The following THADA variants were observed in gnomAD, a reference collection of about 807,000 sequenced individuals.
The protein encoded by THADA is THADA armadillo repeat containing, also known as tRNA (32-2'-O)-methyltransferase regulator THADA.
In THADA, 213 loss-of-function variants were observed where a neutral mutation model predicts 219.8. The observed-to-expected ratio is 0.97, with a 90% CI of 0.87 to 1.09. The LOEUF (loss-of-function observed/expected upper bound fraction) is 1.09, where lower values mean the gene tolerates loss of function less well. Ranked by LOEUF, THADA falls within the 50% of genes least tolerant of loss-of-function variation. The pLI is 0.00. For missense variants in THADA, 2,956 were observed against 2,311.3 expected (o/e 1.28, Z -5.72); for synonymous variants, 1,018 against 828.9 (o/e 1.23, Z -3.92).
At chr2:43,231,496 C>T (rs1005580982) in intron 37 of THADA, among the ~76,000 whole-genome samples, 153 bp from the exon 38 acceptor site, 3 of 152,224 alleles carry the variant, frequency 2.0e-5, no homozygotes, top group African/African-American at 7.2e-5. Flanking sequence ...CATGTACACA[C>T]ACCACTTGCA....
intron 28 of THADA, among the ~76,000 whole-genome samples, chr2:43,427,360 G>C (rs922477759): frequency 2.0e-5 from 3 of 152,032 alleles, no homozygotes; most frequent in Non-Finnish European, 4.4e-5. Context: ...ACCTGCCTTG[G>C]AGCAGACAGG....
At chr2:43,253,232 G>A (rs1669983178) in intron 36 of THADA, among the ~76,000 whole-genome samples, 1 of 152,208 alleles carries the variant, frequency 6.6e-6, no homozygotes. Context: ...CGCCTGGGAG[G>A]AAAGGGAATC....
intron 25 of THADA, among the ~76,000 whole-genome samples, chr2:43,494,903 C>T (rs1185097432): frequency 6.6e-6 from 1 of 152,162 alleles, no homozygotes; most frequent in Non-Finnish European, 1.5e-5. Context: ...TAAATATATA[C>T]ATGAATGCTT....
chr2:43,275,561 CATCCTT>C (rs1178782200), intron 36 of THADA, among the ~76,000 whole-genome samples: 1 of 152,164 alleles, frequency 6.6e-6, no homozygotes, highest in African/African-American at 2.4e-5. Context: ...CTGATCTAGC[CATCCTT>C]AAGCCCATCC....
intron 29 of THADA, among the ~76,000 whole-genome samples, chr2:43,393,479 G>A (rs1397939456): frequency 6.6e-6 from 1 of 151,336 alleles, no homozygotes; most frequent in East Asian, 1.9e-4. Flanking sequence ...GGCCGAGGTT[G>A]GGGGGATCAC....
rs376131661 is a variant in THADA, at chr2:43,485,321, C to A, written c.3749G>T (p.Arg1250Leu). ...ACTAAAGAGAAGTGTGGATGAATTT[C>A]GCACCTAATGTACAAACGAAAACAC... Reference protein sequence around the residue: ...LGFTSPVWAVRNSSTLLFSAL... With the variant: ...LGFTSPVWAVLNSSTLLFSAL... Residue 1250 changes from arginine (R) to leucine (L), a missense_variant, in exon 26 of 38, where the codon CGA becomes CTA. By Grantham distance (102) the Arg-to-Leu change is moderately radical (BLOSUM62 -2). Transcript: ENST00000405975. The A allele has an allele frequency of 1.2e-5, 20 of 1,611,760 alleles. No homozygotes were observed. In the South Asian group the frequency reaches 2.2e-4, roughly 18 times the overall value.
At chr2:43,411,297 T>C (rs1001999636) in intron 28 of THADA, among the ~76,000 whole-genome samples, 2 of 152,178 alleles carry the variant, frequency 1.3e-5, no homozygotes, top group East Asian at 1.9e-4. Context: ...ATCTCTGATA[T>C]TTTTACCACC....
chr2:43,537,493 T>C (rs1311975835), intron 21 of THADA, among the ~76,000 whole-genome samples: 1 of 152,216 alleles, frequency 6.6e-6, no homozygotes, highest in African/African-American at 2.4e-5. Context: ...TTATTTGTAA[T>C]TTCTAAAAAA....
chr2:43,287,538 C>G (rs1406799766), intron 34 of THADA, among the ~76,000 whole-genome samples: 2 of 152,190 alleles, frequency 1.3e-5, no homozygotes, highest in Non-Finnish European at 2.9e-5. Context: ...CTCAAGTGAT[C>G]AACTTGCCTC....
chr2:43,477,099 C>G (rs1327408091), intron 26 of THADA, among the ~76,000 whole-genome samples: 2 of 152,168 alleles, frequency 1.3e-5, no homozygotes, highest in Non-Finnish European at 2.9e-5. Context: ...CAAGATATAT[C>G]TCAAATATAT....
intron 14 of THADA, among the ~76,000 whole-genome samples, chr2:43,569,934 G>C (rs1479428845): frequency 6.6e-6 from 1 of 152,040 alleles, no homozygotes; most frequent in Non-Finnish European, 1.5e-5. Flanking sequence ...TACTCTTCAA[G>C]CTCACTCCAA....
intron 26 of THADA, among the ~76,000 whole-genome samples, chr2:43,441,064 T>C (rs1680785855): frequency 6.6e-6 from 1 of 152,236 alleles, no homozygotes; most frequent in African/African-American, 2.4e-5. Flanking sequence ...AAGTAGGTTT[T>C]TGACTACATC....
chr2:43,526,918 G>GA (rs11323109), intron 22 of THADA, among the ~76,000 whole-genome samples: 2 of 151,378 alleles, frequency 1.3e-5, no homozygotes, highest in South Asian at 2.1e-4. Context: ...TGTTTTGAGG[G>GA]AAAAAAAAGT....
At chr2:43,431,220 A>T (rs1050503968) in intron 26 of THADA, among the ~76,000 whole-genome samples, 6 of 152,158 alleles carry the variant, frequency 3.9e-5, no homozygotes, top group South Asian at 4.1e-4. Context: ...ATCACATTTT[A>T]AAAAAACTGA....
At chr2:43,405,015 A>G (rs184444717) in intron 28 of THADA, among the ~76,000 whole-genome samples, 2 of 152,348 alleles carry the variant, frequency 1.3e-5, no homozygotes, top group Admixed American at 6.5e-5. Context: ...CAACTGGCTG[A>G]GGAAACAGAG....
At chr2:43,514,693 A>T (rs1157750154) in intron 22 of THADA, among the ~76,000 whole-genome samples, 110 of 70,320 alleles carry the variant, frequency 1.6e-3, no homozygotes, top group Middle Eastern at 8.8e-3. Flanking sequence ...ATTATATATA[A>T]TATATATAAT....
At chr2:43,508,821 A>T in intron 22 of THADA, 41 bp from the exon 23 acceptor site, 1 of 1,596,696 alleles carries the variant, frequency 6.3e-7, no homozygotes, top group Non-Finnish European at 8.6e-7. Flanking sequence ...ATTAGGTATC[A>T]AAGTTAAAAG....
At chr2:43,461,402 T>C (rs1470747046) in intron 26 of THADA, among the ~76,000 whole-genome samples, 1 of 152,176 alleles carries the variant, frequency 6.6e-6, no homozygotes, top group Non-Finnish European at 1.5e-5. Flanking sequence ...TTTTAAGTAC[T>C]AAAAAATGAT....
chr2:43,320,436 T>C lies in THADA; in HGVS notation c.4438+10A>G, dbSNP rs1678568481. On this transcript the variant is annotated intron_variant, in intron 31 of 37. Transcript: ENST00000405975. The stretch of plus-strand genomic sequence containing the variant: ...ACGATTCCAAAATACAGTATAACTA[T>C]GAATCATACCTGGCTGGTTGTCCTT... 1 of 1,602,874 alleles carries C rather than the reference T, an allele frequency of 6.2e-7. No homozygotes were observed. Among genetic ancestry groups the C allele is most frequent in the African/African-American group, 1.3e-5 (1 of 74,602 alleles).
Sources: gnomAD v4.1 joint callset for allele counts (sites outside exome capture counted in the v4.1 genomes callset) on GRCh38, gnomAD v4.1.1 for gene constraint, MANE v1.5 for transcripts, NCBI Gene and HGNC (gene_info 2026-07-23, HGNC 2026-07-21) for gene names.